Variants in SEMA3A observed in about 807,000 individuals in gnomAD.
SEMA3A encodes the protein semaphorin-3A.
A neutral mutation model predicts 97.9 loss-of-function variants in SEMA3A; 29 were observed. The observed-to-expected ratio is 0.30, with a 90% CI of 0.22 to 0.40. SEMA3A has a LOEUF of 0.40. Ranked by LOEUF, SEMA3A falls within the 10% of genes least tolerant of loss-of-function variation. The pLI is 1.00. For synonymous variants in SEMA3A, 321 were observed against 323.7 expected (o/e 0.99, Z 0.09); for missense variants, 763 against 951.3 (o/e 0.80, Z 2.60).
chr7:84,452,347 T>C (rs1805576879), intron 1 of SEMA3A, among the ~76,000 whole-genome samples: 2 of 152,192 alleles, frequency 1.3e-5, no homozygotes, highest in Admixed American at 1.3e-4. Context: ...TAAGGCTTCC[T>C]TTATGAACAA....
At chr7:84,254,763 A>T (rs1036672729) in intron 3 of SEMA3A, among the ~76,000 whole-genome samples, 2 of 152,126 alleles carry the variant, frequency 1.3e-5, no homozygotes, top group African/African-American at 4.8e-5. Context: ...CTTGCTTTGT[A>T]CACCTAATCA....
At chr7:84,383,450 T>C (rs1803320302) in intron 1 of SEMA3A, among the ~76,000 whole-genome samples, 1 of 152,190 alleles carries the variant, frequency 6.6e-6, no homozygotes, top group Non-Finnish European at 1.5e-5. Context: ...TGCAACAGGA[T>C]ACTGCAATAT....
chr7:84,271,756 G>A (rs529574548), intron 3 of SEMA3A, among the ~76,000 whole-genome samples: 1 of 152,170 alleles, frequency 6.6e-6, no homozygotes, highest in South Asian at 2.1e-4. Flanking sequence ...AATGGAGTGG[G>A]CACAGATCTG....
chr7:84,008,416 G>C (rs1480848206), intron 9 of SEMA3A, among the ~76,000 whole-genome samples: 3 of 150,814 alleles, frequency 2.0e-5, no homozygotes, highest in African/African-American at 7.3e-5. Context: ...GTGTGAGCCG[G>C]CGAGGTAGAG....
chr7:84,051,258 T>G lies in SEMA3A; in HGVS notation c.548-4815A>C, dbSNP rs75900169. On this transcript the variant is annotated intron_variant, in intron 5 of 16. Coordinates refer to ENST00000265362, the MANE Select transcript of SEMA3A (RefSeq NM_006080.3). ...CCAATTCTGTGAAGAAAGTGATTGG[T>G]AGCTTGATGGGGATGGCATTGAATC... 5.5e-3 allele frequency among the ~76,000 whole-genome samples: 840 copies of G among 152,100 alleles called. 5 individuals carry two copies. Among genetic ancestry groups the G allele is most frequent in the Non-Finnish European group, 9.7e-3 (662 of 67,988 alleles).
intron 1 of SEMA3A, among the ~76,000 whole-genome samples, chr7:84,390,398 C>T (rs973973373): frequency 6.7e-6 from 1 of 150,028 alleles, no homozygotes; most frequent in Non-Finnish European, 1.5e-5. Context: ...GGGTCAATTT[C>T]AATGTCTTTT....
chr7:84,098,098 T>C (rs1294838038), intron 4 of SEMA3A, among the ~76,000 whole-genome samples: 4 of 152,062 alleles, frequency 2.6e-5, no homozygotes, highest in South Asian at 2.1e-4. Flanking sequence ...ATTTATGCTA[T>C]ATAAAATTAA....
intron 1 of SEMA3A, among the ~76,000 whole-genome samples, chr7:84,158,023 G>C (rs1031172064): frequency 1.3e-5 from 2 of 151,688 alleles, no homozygotes; most frequent in African/African-American, 2.4e-5. Context: ...TACACTTAGA[G>C]ATAAGTTTCT....
chr7:83,980,603 C>CAAAAAAAAAAAAAAAAA (rs749889921), intron 14 of SEMA3A, among the ~76,000 whole-genome samples: 2 of 53,966 alleles, frequency 3.7e-5, no homozygotes, highest in Non-Finnish European at 3.6e-5. Flanking sequence ...GACTCCATCT[C>CAAAAAAAAAAAAAAAAA]AAAAAAAAAA....
intron 4 of SEMA3A, among the ~76,000 whole-genome samples, chr7:84,089,634 G>A (rs1794500468): frequency 6.6e-6 from 1 of 151,834 alleles, no homozygotes; most frequent in Admixed American, 6.6e-5. Flanking sequence ...TTCCTTCAAA[G>A]CAATTATTAG....
chr7:84,289,091 T>C (rs1800673481), intron 3 of SEMA3A, among the ~76,000 whole-genome samples: 1 of 152,122 alleles, frequency 6.6e-6, no homozygotes, highest in Admixed American at 6.6e-5. Context: ...TGGAGGACAT[T>C]ATGTTAAGTG....
intron 3 of SEMA3A, chr7:84,306,423 A>G (rs1376685920): frequency 1.3e-5 from 2 of 152,118 alleles, no homozygotes; most frequent in African/African-American, 2.4e-5. Context: ...AAAAAGAAGC[A>G]TATTTAAATT....
rs35685378 is a variant in SEMA3A, at chr7:83,960,824, GTTT to G, written c.*544_*546del. 2 of 143,266 alleles carry G rather than the reference GTTT, an allele frequency of 1.4e-5. No homozygotes were observed. Among genetic ancestry groups the G allele is most frequent in the East Asian group, 2.1e-4 (1 of 4,834 alleles). 8.9% of individuals were successfully genotyped at this position (143,266 alleles called of 1,614,324 possible). ...TTCTTCTGGATGATGGATGGCTTAT[GTTT>G]TTTTTTTTTTTTAATATTTCCACAG... is the stretch of plus-strand genomic sequence containing the variant. On this transcript the variant is annotated 3_prime_UTR_variant, in exon 17 of 17. Transcript: ENST00000265362.
At chr7:83,988,392 A>G (rs781154628) in intron 12 of SEMA3A, among the ~76,000 whole-genome samples, 2 of 151,706 alleles carry the variant, frequency 1.3e-5, no homozygotes, top group Non-Finnish European at 2.9e-5. Context: ...ACGACTGGCT[A>G]ATTTTTTTGT....
At chr7:84,065,517 C>G (rs4626523) in intron 4 of SEMA3A, among the ~76,000 whole-genome samples, 19 of 148,456 alleles carry the variant, frequency 1.3e-4, no homozygotes, top group Non-Finnish European at 1.9e-4. Flanking sequence ...ATTGATAGAC[C>G]GCTAGCAAGA....
chr7:84,401,389 A>T (rs1428878515), intron 1 of SEMA3A, among the ~76,000 whole-genome samples: 1 of 152,034 alleles, frequency 6.6e-6, no homozygotes, highest in Non-Finnish European at 1.5e-5. Flanking sequence ...TTCCATTTTC[A>T]TGGATTGAAA....
intron 5 of SEMA3A, among the ~76,000 whole-genome samples, chr7:84,056,714 T>C (rs564172447): frequency 1.4e-3 from 211 of 152,316 alleles, no homozygotes; most frequent in Admixed American, 3.5e-3. Flanking sequence ...GCACCTTCTC[T>C]ATATCAATAA....
chr7:83,985,776 G>A lies in SEMA3A; in HGVS notation c.1453-299C>T, dbSNP rs115989646. On this transcript the variant is annotated intron_variant, in intron 12 of 16. Transcript: ENST00000265362. ...AGCCTGCACAGTGAGCACAGTGAGA[G>A]GGTGTTGGAAAAAACATGTTTTGGA... is the stretch of plus-strand genomic sequence containing the variant. Among the ~76,000 whole-genome samples the A allele has an allele frequency of 3.2e-3, 485 of 152,284 alleles. 3 individuals carry two copies. The highest frequency in any genetic ancestry group is 0.011 in the African/African-American group (452 of 41,544).
chr7:84,449,521 T>C (rs768537740), intron 1 of SEMA3A, among the ~76,000 whole-genome samples: 18 of 152,112 alleles, frequency 1.2e-4, no homozygotes, highest in Non-Finnish European at 1.8e-4. Flanking sequence ...AAAAGATTAA[T>C]AAGAGGATAT....
Sources: gnomAD v4.1 joint callset for allele counts (sites outside exome capture counted in the v4.1 genomes callset) on GRCh38, gnomAD v4.1.1 for gene constraint, MANE v1.5 for transcripts, NCBI Gene and HGNC (gene_info 2026-07-23, HGNC 2026-07-21) for gene names.